Variants in ZMYM2 observed in about 807,000 individuals in gnomAD.
The protein encoded by ZMYM2 is zinc finger MYM-type protein 2.
ZMYM2 carries 56 observed loss-of-function variants against 162.8 expected under a neutral mutation model. The ratio of observed to expected loss-of-function variants is 0.34; its 90% CI spans 0.28 to 0.43. The LOEUF (loss-of-function observed/expected upper bound fraction) is 0.43. Ranked by LOEUF, ZMYM2 falls within the 20% of genes least tolerant of loss-of-function variation. The pLI, the probability that ZMYM2 is intolerant of heterozygous loss-of-function variation, is 1.00. For synonymous variants in ZMYM2, 510 were observed against 541.6 expected, an observed-to-expected ratio of 0.94 and a Z score of 0.81; for missense variants, 1,275 against 1,621.8, an observed-to-expected ratio of 0.79 and a Z score of 3.67.
the ZMYM2 span, among the ~76,000 whole-genome samples, chr13:19,885,983 A>ACACACATATATGTGTG: frequency 3.8e-5 from 2 of 52,698 alleles, no homozygotes; most frequent in Non-Finnish European, 5.1e-5. Context: ...ATATATATGT[A>ACACACATATATGTGTG]TATACACATA....
rs138614503 is a variant in ZMYM2 at position 20,028,644 on chromosome 13, A to G, written c.1851+1326A>G. 7.5e-3 allele frequency among the ~76,000 whole-genome samples: 1,147 copies of G among 152,298 alleles called. 19 individuals are homozygous for G. The highest frequency in any genetic ancestry group is 0.026 in the African/African-American group (1,077 of 41,556). ...TTATATAATATGGCATAGTATTTGC[A>G]TGTAACCTACAGTGCAAGTCTTCCT... On this transcript the variant is annotated intron_variant, in intron 9 of 24. Coordinates refer to ENST00000610343, the MANE Select transcript of ZMYM2 (RefSeq NM_197968.4).
rs772251988 is a variant in ZMYM2, at chr13:20,058,564, C to T, written c.2494-11C>T. The T allele has an allele frequency of 6.2e-6, 10 of 1,600,966 alleles. No individual in the cohort carries two copies. Among genetic ancestry groups the T allele is most frequent in the Non-Finnish European group, 6.8e-6 (8 of 1,176,060 alleles). On this transcript the variant is annotated splice_polypyrimidine_tract_variant and intron_variant, in intron 14 of 24. Transcript: ENST00000610343. ...ATAAAAATAAAAATGTTTCTCTTTG[C>T]TTCTCCATAGGGTTCAGCACCACCC...
intron 12 of ZMYM2, among the ~76,000 whole-genome samples, chr13:20,040,127 CT>C (rs1326473938): frequency 6.6e-6 from 1 of 152,146 alleles, no homozygotes; most frequent in Admixed American, 6.5e-5. Flanking sequence ...GAAGTCCCCC[CT>C]CCTCAATTTT....
intron 3 of ZMYM2, among the ~76,000 whole-genome samples, chr13:19,994,853 G>A (rs1460885462): frequency 6.6e-6 from 1 of 151,758 alleles, no homozygotes. Context: ...AATTTTTTGG[G>A]ACAGGGTCTC....
chr13:19,890,775 G>A, the ZMYM2 span, among the ~76,000 whole-genome samples: 2 of 151,684 alleles, frequency 1.3e-5, no homozygotes, highest in African/African-American at 4.9e-5. Context: ...GGGAGGCTGA[G>A]GCAGGAGAAT....
Position 20,055,012 on chromosome 13 carries a change from T to A in ZMYM2, c.2493+2701T>A, listed in dbSNP as rs201336188. Among the ~76,000 whole-genome samples the A allele has an allele frequency of 2.4e-5, 3 of 122,702 alleles. No homozygotes were observed. In the East Asian group the frequency reaches 7.1e-4, roughly 29 times the overall value. The allele number at this position is 122,702 out of a possible 152,430, so 80.5% of individuals were successfully genotyped here. A position where few individuals can be genotyped will look rare whatever the true frequency, so the allele number is the denominator to read the frequency against. ...CATGGGGTTGTTTTTTTTTTTTTTT[T>A]CCCCCAACCAAACTTGGATGGAAAA... On this transcript the variant is annotated intron_variant, in intron 14 of 24. Coordinates refer to ENST00000610343, the MANE Select transcript of ZMYM2 (RefSeq NM_197968.4).
chr13:19,912,292 G>GTTTTTT, the ZMYM2 span, among the ~76,000 whole-genome samples: 18 of 75,698 alleles, frequency 2.4e-4, no homozygotes, highest in Admixed American at 3.2e-4. Flanking sequence ...TGTTTTTTGG[G>GTTTTTT]TTTTTTTTTT....
At chr13:19,970,712 A>G (rs1956239252) in intron 2 of ZMYM2, among the ~76,000 whole-genome samples, 1 of 151,990 alleles carries the variant, frequency 6.6e-6, no homozygotes, top group South Asian at 2.1e-4. Context: ...TCAAGGTTAT[A>G]GTAAGGCAAT....
intron 6 of ZMYM2, among the ~76,000 whole-genome samples, chr13:20,017,698 T>A (rs1018009588): frequency 1.4e-4 from 22 of 152,114 alleles, no homozygotes; most frequent in African/African-American, 5.3e-4. Flanking sequence ...TCGGGTTGGG[T>A]ACTTTTTATT....
intron 2 of ZMYM2, among the ~76,000 whole-genome samples, chr13:19,972,622 A>G (rs1386174930): frequency 6.6e-6 from 1 of 152,128 alleles, no homozygotes; most frequent in East Asian, 1.9e-4. Context: ...TTGCTATTGT[A>G]GATAATGCTG....
the ZMYM2 span, among the ~76,000 whole-genome samples, chr13:19,929,670 T>C: frequency 6.6e-6 from 1 of 152,136 alleles, no homozygotes; most frequent in Non-Finnish European, 1.5e-5. Flanking sequence ...TTTATCATGC[T>C]CATGGGTGAC....
chr13:20,049,766 A>G (rs1041578075), intron 12 of ZMYM2, among the ~76,000 whole-genome samples: 2 of 151,994 alleles, frequency 1.3e-5, no homozygotes, highest in African/African-American at 4.8e-5. Flanking sequence ...TAGAGAGTAG[A>G]TACAATGGGT....
intron 12 of ZMYM2, among the ~76,000 whole-genome samples, chr13:20,039,684 G>A (rs1389150599): frequency 6.6e-6 from 1 of 152,092 alleles, no homozygotes; most frequent in African/African-American, 2.4e-5. Context: ...CACCATGTTA[G>A]CCAGGATGGT....
chr13:19,991,079 C>CTGTGTGTGTGTGTGTGTGTGTGTG (rs56666919), intron 2 of ZMYM2, among the ~76,000 whole-genome samples: 120 of 59,928 alleles, frequency 2.0e-3, no homozygotes, highest in African/African-American at 3.4e-3. Context: ...TATGTATTTT[C>CTGTGTGTGTGTGTGTGTGTGTGTG]TGTGTGTGTG....
At chr13:19,915,434 T>TCTTTCTTC in the ZMYM2 span, among the ~76,000 whole-genome samples, 1 of 151,674 alleles carries the variant, frequency 6.6e-6, no homozygotes, top group Non-Finnish European at 1.5e-5. Context: ...TTTCTTTCTT[T>TCTTTCTTC]CTTTCTTCCT....
chr13:19,998,914 A>G (rs1426419313), intron 3 of ZMYM2, among the ~76,000 whole-genome samples: 2 of 152,318 alleles, frequency 1.3e-5, no homozygotes, highest in Middle Eastern at 3.4e-3. Context: ...CGGAGAAACT[A>G]GAAAGGAAAA....
the ZMYM2 span, among the ~76,000 whole-genome samples, chr13:19,885,893 GTATACACA>G: frequency 3.7e-3 from 221 of 60,416 alleles, 73 homozygotes; most frequent in Non-Finnish European, 6.3e-3. Flanking sequence ...ATATATATGT[GTATACACA>G]TATATATGTA....
the ZMYM2 span, among the ~76,000 whole-genome samples, chr13:19,932,301 A>C: frequency 2.6e-5 from 4 of 152,150 alleles, no homozygotes; most frequent in African/African-American, 9.7e-5. Flanking sequence ...AATGAGGTTT[A>C]GAGGAAGTCA....
Position 19,993,938 on chromosome 13 carries a change from T to A in ZMYM2, c.847+19T>A, listed in dbSNP as rs756303444. 6.3e-7 allele frequency: 1 copy of A among 1,585,710 alleles called. No homozygotes were observed. Among genetic ancestry groups the A allele is most frequent in the Non-Finnish European group, 8.5e-7 (1 of 1,170,680 alleles). ...AATCCTGGTAAGCAGTAAGAGATAC[T>A]CTACTTCATGTAAATGAATTTAAAC... On this transcript the variant is annotated intron_variant, in intron 3 of 24. Transcript: ENST00000610343.
Sources: gnomAD v4.1 joint callset for allele counts (sites outside exome capture counted in the v4.1 genomes callset) on GRCh38, gnomAD v4.1.1 for gene constraint, MANE v1.5 for transcripts, NCBI Gene and HGNC (gene_info 2026-07-23, HGNC 2026-07-21) for gene names.